TBC1D23: variants seen among roughly 807,000 people sequenced by gnomAD.
TBC1D23 encodes HCV non-structural protein 4A-transactivated protein 1.
In TBC1D23, 55 loss-of-function variants were observed where a neutral mutation model predicts 91.4. That is an observed-to-expected ratio of 0.60 (90% CI 0.48 to 0.75). TBC1D23 has a LOEUF of 0.75. Ranked by LOEUF, TBC1D23 falls within the 30% of genes least tolerant of loss-of-function variation. The pLI is 0.00. For synonymous variants in TBC1D23, 289 were observed against 281.0 expected, an observed-to-expected ratio of 1.03 and a Z score of -0.28; for missense variants, 725 against 836.1, an observed-to-expected ratio of 0.87 and a Z score of 1.64.
At chr3:100,262,450 C>G (rs2067519548) in intron 1 of TBC1D23, among the ~76,000 whole-genome samples, 1 of 152,072 alleles carries the variant, frequency 6.6e-6, no homozygotes, top group South Asian at 2.1e-4. Context: ...GAAGGCTGGG[C>G]GCGGTGGCTC....
chr3:100,323,786 A>G lies in TBC1D23; in HGVS notation c.*118A>G. ...TTGCTCATGGGGCTGCTTAAATAGC[A>G]GGTCTAAGAAAGTGTAAATTATTAT... On this transcript the variant is annotated 3_prime_UTR_variant, in exon 19 of 19. Coordinates refer to ENST00000394144, the MANE Select transcript of TBC1D23 (RefSeq NM_001199198.3). The G allele has an allele frequency of 2.8e-6, 1 of 362,286 alleles. No homozygotes were observed. The highest frequency in any genetic ancestry group is 4.8e-5 in the Admixed American group (1 of 20,682). The allele number at this position is 362,286 out of a possible 1,614,324, so 22.4% of individuals were successfully genotyped here.
chr3:100,289,694 G>A (rs2067773479), intron 4 of TBC1D23, among the ~76,000 whole-genome samples: 1 of 152,150 alleles, frequency 6.6e-6, no homozygotes, highest in African/African-American at 2.4e-5. Flanking sequence ...TTCCTGAGAT[G>A]ATGACTAGAA....
intron 11 of TBC1D23, among the ~76,000 whole-genome samples, chr3:100,304,176 A>G (rs1705478936): frequency 2.0e-5 from 3 of 152,182 alleles, no homozygotes; most frequent in South Asian, 2.1e-4. Context: ...TTTGTGTTAT[A>G]GAGTTCCCCA....
chr3:100,296,320 TAC>T, intron 8 of TBC1D23, 45 bp downstream of exon 8: 1 of 1,108,300 alleles, frequency 9.0e-7, no homozygotes, highest in Non-Finnish European at 1.3e-6. Context: ...TCATATTTTG[TAC>T]ATTGTTTTAT....
At chr3:100,281,156 A>C in intron 2 of TBC1D23, among the ~76,000 whole-genome samples, 1 of 152,160 alleles carries the variant, frequency 6.6e-6, no homozygotes, top group East Asian at 1.9e-4. Context: ...AGCGAAACTC[A>C]GTCTCAAAAA....
At chr3:100,261,214 T>TG in intron 1 of TBC1D23, 143 bp downstream of exon 1, 1 of 751,444 alleles carries the variant, frequency 1.3e-6, no homozygotes, top group Admixed American at 2.5e-5. Context: ...CCTACCCCTC[T>TG]GCCAGCTGGG....
chr3:100,323,490 C>T (rs1705900886), intron 18 of TBC1D23, 97 bp from the exon 19 acceptor site: 1 of 500,682 alleles, frequency 2.0e-6, no homozygotes, highest in Admixed American at 5.0e-5. Flanking sequence ...TTGGAGGTGA[C>T]CTATCAGCTG....
intron 1 of TBC1D23, chr3:100,267,177 T>C: frequency 2.4e-6 from 1 of 411,668 alleles, no homozygotes; most frequent in Non-Finnish European, 4.7e-6. Flanking sequence ...CAGAAAATAA[T>C]AGGATTAAAC....
intron 16 of TBC1D23, among the ~76,000 whole-genome samples, chr3:100,316,623 C>G (rs1354087450): frequency 6.6e-6 from 1 of 151,936 alleles, no homozygotes; most frequent in Non-Finnish European, 1.5e-5. Context: ...TCCCTTTGAT[C>G]AGATTGAAAT....
chr3:100,319,050 T>C lies in TBC1D23; in HGVS notation c.1688-19T>C. 6.7e-7 allele frequency: 1 copy of C among 1,482,324 alleles called. No individual in the cohort carries two copies. Among genetic ancestry groups the C allele is most frequent in the Non-Finnish European group, 9.3e-7 (1 of 1,080,130 alleles). The allele number at this position is 1,482,324 out of a possible 1,614,324, so 91.8% of individuals were successfully genotyped here. ...AAAAGTTGGTAATATCCATATTTAA[T>C]ACTTTGTATTTTTTATAGATGAAAT... On this transcript the variant is annotated intron_variant, in intron 16 of 18. Transcript: ENST00000394144.
Position 100,316,225 on chromosome 3 carries a change from C to T in TBC1D23, c.1687+38C>T, listed in dbSNP as rs575051643. On this transcript the variant is annotated intron_variant, in intron 16 of 18. Transcript: ENST00000394144. ...ACTTAGCTACAGACAGCTTTGCTGTCATTAGGAGTGATTACAGCAGTCATT... is the reference window on the plus strand; with the variant it reads ...ACTTAGCTACAGACAGCTTTGCTGTTATTAGGAGTGATTACAGCAGTCATT... 1.8e-5 allele frequency: 26 copies of T among 1,427,774 alleles called. No individual in the cohort carries two copies. In the South Asian group the frequency reaches 2.9e-4, roughly 16 times the overall value. The allele number at this position is 1,427,774 out of a possible 1,614,324, so 88.4% of individuals were successfully genotyped here. A position where few individuals can be genotyped will look rare whatever the true frequency, so the allele number is the denominator to read the frequency against.
intron 4 of TBC1D23, among the ~76,000 whole-genome samples, chr3:100,287,186 C>T (rs1052982577): frequency 5.3e-5 from 8 of 152,120 alleles, no homozygotes; most frequent in African/African-American, 1.9e-4. Context: ...GATCTCGGCT[C>T]ACTGCCACCT....
intron 3 of TBC1D23, among the ~76,000 whole-genome samples, chr3:100,282,147 C>T (rs2067700636): frequency 6.6e-6 from 1 of 152,062 alleles, no homozygotes; most frequent in Non-Finnish European, 1.5e-5. Context: ...CCTGTCTCTA[C>T]TAAAAAATAC....
rs3836295 is a variant in TBC1D23 at position 100,312,724 on chromosome 3, GA to G, written c.1598+856del. Among the ~76,000 whole-genome samples, 1,020 of 149,556 alleles carry G rather than the reference GA, an allele frequency of 6.8e-3. 62 individuals carry two copies. The East Asian group carries it at 0.15, about 23-fold the overall frequency. On this transcript the variant is annotated intron_variant, in intron 15 of 18. Coordinates refer to ENST00000394144, the MANE Select transcript of TBC1D23 (RefSeq NM_001199198.3). ...AATTCTATAAATCCTAAGTGGGCCA[GA>G]AAAAAAAATAAATTCTAGTCATATT...
intron 1 of TBC1D23, among the ~76,000 whole-genome samples, chr3:100,266,151 GTTA>G (rs2067555812): frequency 6.6e-6 from 1 of 152,140 alleles, no homozygotes. Context: ...TGATGTGACA[GTTA>G]TTTGATTTTG....
At chr3:100,271,260 A>T (rs1371941604) in intron 1 of TBC1D23, among the ~76,000 whole-genome samples, 2 of 152,168 alleles carry the variant, frequency 1.3e-5, no homozygotes, top group African/African-American at 2.4e-5. Context: ...AGATGAGGGA[A>T]AAGTTGTTAC....
intron 13 of TBC1D23, among the ~76,000 whole-genome samples, chr3:100,308,891 A>G (rs1705566912): frequency 6.6e-6 from 1 of 152,230 alleles, no homozygotes; most frequent in Non-Finnish European, 1.5e-5. Flanking sequence ...GTTGCCTTCT[A>G]GGAAGGTATA....
At chr3:100,311,380 G>A (rs1446637035) in intron 14 of TBC1D23, among the ~76,000 whole-genome samples, 2 of 152,100 alleles carry the variant, frequency 1.3e-5, no homozygotes, top group Admixed American at 6.5e-5. Context: ...GTAAATAGCC[G>A]AGAAGGTAAT....
chr3:100,290,796 T>C, intron 5 of TBC1D23, 95 bp downstream of exon 5: 1 of 1,134,832 alleles, frequency 8.8e-7, no homozygotes, highest in Non-Finnish European at 1.2e-6. Flanking sequence ...GAAAGAAAAG[T>C]CCTAATTATA....
Sources: gnomAD v4.1 joint callset for allele counts (sites outside exome capture counted in the v4.1 genomes callset) on GRCh38, gnomAD v4.1.1 for gene constraint, MANE v1.5 for transcripts, NCBI Gene and HGNC (gene_info 2026-07-23, HGNC 2026-07-21) for gene names.